Variants in PCNA observed in about 807,000 individuals in gnomAD.
PCNA encodes the protein DNA sliding clamp PCNA.
A neutral mutation model predicts 27.8 loss-of-function variants in PCNA; 4 were observed. That is an observed-to-expected ratio of 0.14 (90% CI 0.07 to 0.33). The LOEUF is 0.33. PCNA is among the 10% of genes least tolerant of loss of function. The probability of loss-of-function intolerance (pLI) is 1.00; values close to 1 mark genes in which losing one functional copy is unlikely to be tolerated. For missense variants in PCNA, 165 were observed against 327.4 expected, an observed-to-expected ratio of 0.50 and a Z score of 3.83; for synonymous variants, 121 against 119.4, an observed-to-expected ratio of 1.01 and a Z score of -0.09.
At chr20:5,119,357 C>A (rs749500282) in intron 1 of PCNA, among the ~76,000 whole-genome samples, 3 of 152,242 alleles carry the variant, frequency 2.0e-5, no homozygotes, top group Non-Finnish European at 4.4e-5. Flanking sequence ...CCGCCACCAC[C>A]CGCTTTGTGA....
At position 5,119,834 on chromosome 20, in the gene PCNA, C is replaced by T; in HGVS notation, c.-36G>A. On this transcript the variant is annotated 5_prime_UTR_variant, in exon 1 of 6. Transcript: ENST00000379143. ...TGGCAACAACGCCGCTACAGGCAGGCGGGAAGGAGGAAAGTCTAGCTGGTT... is the reference window on the plus strand; with the variant it reads ...TGGCAACAACGCCGCTACAGGCAGGTGGGAAGGAGGAAAGTCTAGCTGGTT... 2 of 1,501,968 alleles carry T rather than the reference C, an allele frequency of 1.3e-6. No homozygotes were observed. Among genetic ancestry groups the T allele is most frequent in the South Asian group, 1.2e-5 (1 of 83,048 alleles). 93.0% of individuals were successfully genotyped at this position (1,501,968 alleles called of 1,614,324 possible).
chr20:5,119,444 C>G, intron 1 of PCNA, 134 bp downstream of exon 1: 1 of 715,582 alleles, frequency 1.4e-6, no homozygotes, highest in South Asian at 1.9e-5. Flanking sequence ...GGGCCCCACC[C>G]CACTGCGTGG....
chr20:5,119,565 C>A lies in PCNA; in HGVS notation c.221+13G>T. On this transcript the variant is annotated intron_variant, in intron 1 of 5. Coordinates refer to ENST00000379143, the MANE Select transcript of PCNA (RefSeq NM_182649.2). ...GCGGGCCGGGGCCGGCTTCCCGGGG[C>A]CGCGAGGCTCACCTGGTGAGGTTCA... The A allele has an allele frequency of 6.2e-7, 1 of 1,603,562 alleles. No individual in the cohort carries two copies. Among genetic ancestry groups the A allele is most frequent in the Non-Finnish European group, 8.5e-7 (1 of 1,176,058 alleles).
upstream of PCNA, among the ~76,000 whole-genome samples, chr20:5,123,610 G>T (rs2090529129): frequency 6.6e-6 from 1 of 151,498 alleles, no homozygotes; most frequent in African/African-American, 2.4e-5. Flanking sequence ...CAGGAGAATT[G>T]CTTGAACCCG....
At chr20:5,126,104 C>T (rs1019721020) in intron 1 of PCNA, among the ~76,000 whole-genome samples, 7 of 152,082 alleles carry the variant, frequency 4.6e-5, no homozygotes, top group Non-Finnish European at 4.4e-5. Context: ...CGTGGTGGCG[C>T]GCACCTTGGA....
chr20:5,124,436 AAC>A (rs566808861), upstream of PCNA, among the ~76,000 whole-genome samples: 21 of 152,080 alleles, frequency 1.4e-4, no homozygotes, highest in African/African-American at 5.1e-4. Flanking sequence ...AAGAATTCAA[AAC>A]CAGCCTGACC....
upstream of PCNA, among the ~76,000 whole-genome samples, chr20:5,120,742 G>A (rs2090513351): frequency 6.6e-6 from 1 of 152,074 alleles, no homozygotes; most frequent in Admixed American, 6.6e-5. Flanking sequence ...GGCAATTTTG[G>A]TGATATCAAC....
intron 1 of PCNA, among the ~76,000 whole-genome samples, chr20:5,126,041 C>G (rs1174107201): frequency 6.6e-6 from 1 of 152,156 alleles, no homozygotes; most frequent in African/African-American, 2.4e-5. Context: ...CGAGACCAGC[C>G]TGACCAATAT....
At chr20:5,124,191 G>A (rs1203149823), upstream of PCNA, among the ~76,000 whole-genome samples, 2 of 152,214 alleles carry the variant, frequency 1.3e-5, no homozygotes, top group Admixed American at 1.3e-4. Flanking sequence ...GCAAGTGGGA[G>A]TATACATTGG....
At position 5,119,771 on chromosome 20, in the gene PCNA, A is replaced by T. The variant is rs1197072909; in HGVS notation, c.28T>A (p.Ser10Thr). 9 of 1,577,740 alleles carry T rather than the reference A, an allele frequency of 5.7e-6. No homozygotes were observed. Among genetic ancestry groups the T allele is most frequent in the Non-Finnish European group, 6.9e-6 (8 of 1,161,734 alleles). ...GCCTCCAACACCTTCTTGAGGATGG[A>T]GCCCTGGACCAGGCGCGCCTCGAAC... MFEARLVQG[S>T]ILKKVLEALK... is the part of the protein sequence containing the mutation. Residue 10 changes from serine (S) to threonine (T), a missense_variant, in exon 1 of 6, where the codon TCC becomes ACC. Transcript: ENST00000379143.
upstream of PCNA, among the ~76,000 whole-genome samples, chr20:5,124,631 A>G (rs1047981698): frequency 6.6e-6 from 1 of 152,008 alleles, no homozygotes; most frequent in African/African-American, 2.4e-5. Context: ...ACTGTCTAAA[A>G]AAAAAAAACA....
chr20:5,119,383 G>C (rs554542311), intron 1 of PCNA, among the ~76,000 whole-genome samples, 195 bp downstream of exon 1: 1 of 152,274 alleles, frequency 6.6e-6, no homozygotes, highest in Non-Finnish European at 1.5e-5. Context: ...GCGCGAAAAA[G>C]CAGGTTCGCG....
rs956415397 is a variant in PCNA at position 5,119,928 on chromosome 20, G to A, written c.-130C>T. On this transcript the variant is annotated 5_prime_UTR_variant, in exon 1 of 6. Coordinates refer to ENST00000379143, the MANE Select transcript of PCNA (RefSeq NM_182649.2). ...ACCGGCTGAGACCTAGAAAGACAAC[G>A]ACCACTCTGCTACGCCTGCAACCGT... 1.0e-5 allele frequency: 7 copies of A among 701,064 alleles called. No homozygotes were observed. Among genetic ancestry groups the A allele is most frequent in the African/African-American group, 1.8e-5 (1 of 56,476 alleles). The allele number at this position is 701,064 out of a possible 1,614,324, so 43.4% of individuals were successfully genotyped here.
chr20:5,115,639 T>C, intron 4 of PCNA, 67 bp from the exon 5 acceptor site: 1 of 1,411,124 alleles, frequency 7.1e-7, no homozygotes, highest in Non-Finnish European at 9.9e-7. Flanking sequence ...TCATTATATA[T>C]TTATAAAAAC....
At position 5,115,103 on chromosome 20, in the gene PCNA, ACTTTATT is replaced by A. The variant is rs2090466158; in HGVS notation, c.*173_*179del. Reference sequence around the variant, plus strand: ...TTAACTAGACCAGATCTGACTTTGGACTTTATTCTTTAAACAAATTGCAGAGAATAGA... The same window carrying A: ...TTAACTAGACCAGATCTGACTTTGGACTTTAAACAAATTGCAGAGAATAGA... On this transcript the variant is annotated 3_prime_UTR_variant, in exon 6 of 6. Transcript: ENST00000379143. 2.8e-4 allele frequency: 146 copies of A among 528,182 alleles called. 2 individuals are homozygous for A. In the South Asian group the frequency reaches 3.4e-3, roughly 12 times the overall value. The allele number at this position is 528,182 out of a possible 1,614,324, so 32.7% of individuals were successfully genotyped here. A position where few individuals can be genotyped will look rare whatever the true frequency, so the allele number is the denominator to read the frequency against.
intron 1 of PCNA, among the ~76,000 whole-genome samples, chr20:5,126,108 C>A (rs1031686915): frequency 2.6e-5 from 4 of 152,160 alleles, no homozygotes; most frequent in African/African-American, 9.7e-5. Flanking sequence ...GTGGCGCGCA[C>A]CTTGGAATTG....
intron 4 of PCNA, among the ~76,000 whole-genome samples, chr20:5,117,129 C>T (rs2090480579): frequency 6.6e-6 from 1 of 152,192 alleles, no homozygotes; most frequent in Non-Finnish European, 1.5e-5. Context: ...TTCTATTGAG[C>T]TGCTGTCCTA....
intron 4 of PCNA, 65 bp from the exon 5 acceptor site, chr20:5,115,637 T>C: frequency 7.0e-7 from 1 of 1,420,550 alleles, no homozygotes; most frequent in East Asian, 2.3e-5. Context: ...GCTCATTATA[T>C]ATTTATAAAA....
At chr20:5,118,544 AAC>A (rs2090492398) in intron 3 of PCNA, 64 bp downstream of exon 3, 1 of 1,179,754 alleles carries the variant, frequency 8.5e-7, no homozygotes, top group Non-Finnish European at 1.2e-6. Flanking sequence ...AAAATAAACA[AAC>A]ATTCTATGAC....
Sources: gnomAD v4.1 joint callset for allele counts (sites outside exome capture counted in the v4.1 genomes callset) on GRCh38, gnomAD v4.1.1 for gene constraint, MANE v1.5 for transcripts, NCBI Gene and HGNC (gene_info 2026-07-23, HGNC 2026-07-21) for gene names.